The following ENO1 variants were observed in gnomAD, a reference collection of about 807,000 sequenced individuals.
The protein encoded by ENO1 is enolase 1.
In ENO1, 33 loss-of-function variants were observed where a neutral mutation model predicts 46.3. That is an observed-to-expected ratio of 0.71 (90% CI 0.54 to 0.95). The LOEUF is 0.95. Ranked by LOEUF, ENO1 falls within the 40% of genes least tolerant of loss-of-function variation. ENO1 has a pLI of 0.00. For synonymous variants in ENO1, 220 were observed against 216.0 expected (o/e 1.02, Z -0.16); for missense variants, 488 against 553.3 (o/e 0.88, Z 1.18).
rs562679897 is a variant in ENO1 at position 8,871,632 on chromosome 1, C to A, written c.181+259G>T. The A allele has an allele frequency of 3.0e-4, 390 of 1,281,080 alleles. 3 individuals carry two copies. In the South Asian group the frequency reaches 7.6e-3, roughly 25 times the overall value. 79.4% of individuals were successfully genotyped at this position (1,281,080 alleles called of 1,614,324 possible). A position where few individuals can be genotyped will look rare whatever the true frequency, so the allele number is the denominator to read the frequency against. On this transcript the variant is annotated intron_variant, in intron 3 of 11. Transcript: ENST00000234590. ...GTCCTAACCGTGAAGGAGTATTTCG[C>A]AGATTGGGAACAAACTGCAATAGAA...
At position 8,863,340 on chromosome 1, in the gene ENO1, G is replaced by C; in HGVS notation, c.1071C>G (p.Cys357Trp). ...IGSVTESLQA[C>W]KLAQANGWGV... ...CCCAACCATTGGCCTGGGCCAGCTT[G>C]CACCTGGAAGCCAAGGAACAACCCA... is the stretch of plus-strand genomic sequence containing the variant. Residue 357 changes from cysteine (C) to tryptophan (W), a missense_variant, in exon 10 of 12, where the codon TGC becomes TGG. Physicochemically the swap from Cys to Trp is radical, Grantham distance 215. Transcript: ENST00000234590. 1 of 1,612,130 alleles carries C rather than the reference G, an allele frequency of 6.2e-7. No individual in the cohort carries two copies. The highest frequency in any genetic ancestry group is 8.5e-7 in the Non-Finnish European group (1 of 1,179,194).
intron 4 of ENO1, among the ~76,000 whole-genome samples, chr1:8,869,184 G>C (rs190692074): frequency 6.6e-6 from 1 of 152,118 alleles, no homozygotes; most frequent in Non-Finnish European, 1.5e-5. Flanking sequence ...CACAGCTTCA[G>C]AGGTCAATTC....
chr1:8,861,507 G>T, intron 11 of ENO1, 78 bp from the exon 12 acceptor site: 1 of 1,497,242 alleles, frequency 6.7e-7, no homozygotes, highest in South Asian at 1.2e-5. Context: ...TCCCATCCTA[G>T]ATGTGGTCAA....
intron 2 of ENO1, 34 bp from the exon 3 acceptor site, chr1:8,872,020 C>A: frequency 6.3e-7 from 1 of 1,582,442 alleles, no homozygotes. Flanking sequence ...AGTAGCAATT[C>A]AGAAATCCAG....
At chr1:8,869,373 G>C (rs1642585348) in intron 4 of ENO1, among the ~76,000 whole-genome samples, 1 of 152,004 alleles carries the variant, frequency 6.6e-6, no homozygotes, top group Non-Finnish European at 1.5e-5. Flanking sequence ...TTTTGTCTGG[G>C]GGCTGGTCGG....
rs1322834275 is a variant in ENO1 at position 8,865,458 on chromosome 1, A to C, written c.692T>G (p.Ile231Ser). 1 of 1,613,212 alleles carries C rather than the reference A, an allele frequency of 6.2e-7. No homozygotes were observed. The highest frequency in any genetic ancestry group is 2.2e-5 in the East Asian group (1 of 44,892). ...KEGLELLKTA[I>S]GKAGYTDKVV... The stretch of plus-strand genomic sequence containing the variant: ...CTTATCAGTGTAGCCAGCTTTCCCA[A>C]TAGCAGTCTTCAGCAGCTCCAGGCC... The change falls in exon 8 of 12, where the codon ATT becomes AGT. Residue 231 changes from isoleucine (I) to serine (S), a missense_variant. By Grantham distance (142) the Ile-to-Ser change is moderately radical. Transcript: ENST00000234590.
chr1:8,863,011 G>A (rs1056444324), intron 10 of ENO1, 66 bp from the exon 11 acceptor site: 8 of 1,585,618 alleles, frequency 5.0e-6, no homozygotes, highest in Non-Finnish European at 6.9e-6. Context: ...GGCAGGGAGA[G>A]GGTGTGGTGT....
intron 5 of ENO1, 101 bp from the exon 6 acceptor site, chr1:8,867,351 C>G (rs770003428): frequency 2.7e-5 from 39 of 1,448,572 alleles, no homozygotes; most frequent in Non-Finnish European, 3.6e-5. Context: ...CATCTCCTCC[C>G]CCATCACACC....
intron 2 of ENO1, among the ~76,000 whole-genome samples, chr1:8,874,594 A>AAAAAAAG (rs1557587500): frequency 8.7e-5 from 13 of 150,096 alleles, no homozygotes; most frequent in African/African-American, 2.2e-4. Flanking sequence ...AAAAAAAAAA[A>AAAAAAAG]AAAAAAGAAA....
chr1:8,865,365 T>C lies in ENO1; in HGVS notation c.785A>G (p.Lys262Arg), dbSNP rs748849234. Reference sequence around the variant, plus strand: ...GTACCTGCTGGGGTCATCGGGAGACTTGAAGTCCAGGTCATACTTCCCAGA... The same window carrying C: ...GTACCTGCTGGGGTCATCGGGAGACCTGAAGTCCAGGTCATACTTCCCAGA... ...FRSGKYDLDF[K>R]SPDDPSRYIS... The change falls in exon 8 of 12, where the codon AAG becomes AGG. Residue 262 changes from lysine (K) to arginine (R), a missense_variant. Transcript: ENST00000234590. 1.2e-5 allele frequency: 20 copies of C among 1,614,044 alleles called. No individual in the cohort carries two copies. Among genetic ancestry groups the C allele is most frequent in the Non-Finnish European group, 1.6e-5 (19 of 1,180,046 alleles).
intron 3 of ENO1, 52 bp from the exon 4 acceptor site, chr1:8,870,562 G>A (rs758216269): frequency 1.9e-6 from 3 of 1,611,988 alleles, no homozygotes; most frequent in Non-Finnish European, 1.7e-6. Flanking sequence ...AAACAGGCTT[G>A]AGCAGCATTG....
chr1:8,866,736 G>A, intron 6 of ENO1: 1 of 594,808 alleles, frequency 1.7e-6, no homozygotes, highest in Non-Finnish European at 3.0e-6. Context: ...CAAACTCTTG[G>A]GTTTAAGTGA....
chr1:8,862,934 A>G lies in ENO1; in HGVS notation c.1188T>C (p.Gly396=), dbSNP rs768991098. 6 of 1,614,018 alleles carry G rather than the reference A, an allele frequency of 3.7e-6. No individual in the cohort carries two copies. The African/African-American group carries it at 6.7e-5, about 18-fold the overall frequency. The change falls in exon 11 of 12, where the codon GGT becomes GGC. Residue 396 remains glycine (G), a synonymous_variant. Coordinates refer to ENST00000234590, the MANE Select transcript of ENO1 (RefSeq NM_001428.5). ...VGLCTGQIKT[G]APCRSERLAK... is the part of the protein sequence containing the mutation. ...CCAAGCGCTCAGATCGGCAAGGGGCACCAGTCTTGATCTAGGAGAAAAGAA... is the reference window on the plus strand; with the variant it reads ...CCAAGCGCTCAGATCGGCAAGGGGCGCCAGTCTTGATCTAGGAGAAAAGAA...
At chr1:8,863,450 A>G in intron 9 of ENO1, 107 bp from the exon 10 acceptor site, 1 of 1,117,104 alleles carries the variant, frequency 9.0e-7, no homozygotes. Flanking sequence ...AGGGGCTGTT[A>G]ATGGCTAAAG....
chr1:8,863,446 T>C (rs1241768534), intron 9 of ENO1, 103 bp from the exon 10 acceptor site: 1 of 1,138,002 alleles, frequency 8.8e-7, no homozygotes, highest in Non-Finnish European at 1.2e-6. Context: ...GTGGAGGGGC[T>C]GTTAATGGCT....
At chr1:8,870,872 G>C in intron 3 of ENO1, 1 of 1,276,142 alleles carries the variant, frequency 7.8e-7, no homozygotes, top group Non-Finnish European at 9.9e-7. Flanking sequence ...TACTTAATGG[G>C]TCTGGAGACG....
intron 6 of ENO1, 47 bp downstream of exon 6, chr1:8,867,070 C>A: frequency 1.9e-6 from 3 of 1,596,862 alleles, no homozygotes; most frequent in South Asian, 1.1e-5. Context: ...CAACAGCAAG[C>A]TGAAACCCCC....
intron 5 of ENO1, among the ~76,000 whole-genome samples, chr1:8,867,675 GC>G (rs1246653831): frequency 1.3e-5 from 2 of 151,846 alleles, no homozygotes; most frequent in African/African-American, 4.8e-5. Context: ...GACTACAGGC[GC>G]CCACCACCAG....
At chr1:8,863,417 C>T (rs953028692) in intron 9 of ENO1, 74 bp from the exon 10 acceptor site, 50 of 1,435,902 alleles carry the variant, frequency 3.5e-5, no homozygotes, top group Middle Eastern at 3.7e-4. Context: ...CATTACCCCT[C>T]GGTGCCAGCA....
Sources: allele counts gnomAD v4.1 joint callset (sites outside exome capture counted in the v4.1 genomes callset), GRCh38; gene constraint gnomAD v4.1.1; transcripts MANE v1.5; gene names NCBI Gene and HGNC (gene_info 2026-07-23, HGNC 2026-07-21).